The following SEC22A variants were observed in gnomAD, a reference collection of about 807,000 sequenced individuals.
SEC22A encodes SEC22 homolog A, vesicle trafficking protein.
SEC22A carries 22 observed loss-of-function variants against 35.3 expected under a neutral mutation model. The ratio of observed to expected loss-of-function variants is 0.62; its 90% CI spans 0.45 to 0.89. The LOEUF (loss-of-function observed/expected upper bound fraction) is 0.89. Among genes scored for constraint, SEC22A ranks in the 40% least tolerant of loss-of-function variants. The pLI, the probability that SEC22A is intolerant of heterozygous loss-of-function variation, is 0.00. For missense variants in SEC22A, 354 were observed against 362.5 expected (o/e 0.98, Z 0.19); for synonymous variants, 119 against 129.5 (o/e 0.92, Z 0.55).
At chr3:123,223,423 C>T (rs1937164445) in intron 2 of SEC22A, 136 bp from the exon 3 acceptor site, 3 of 647,500 alleles carry the variant, frequency 4.6e-6, no homozygotes, top group Non-Finnish European at 7.5e-6. Context: ...AAATTTTTTC[C>T]TAGAATATAT....
At chr3:123,268,567 C>T (rs748797421) in intron 6 of SEC22A, among the ~76,000 whole-genome samples, 16 of 152,140 alleles carry the variant, frequency 1.1e-4, no homozygotes, top group Non-Finnish European at 2.1e-4. Context: ...ACAGAAGTCC[C>T]TGAGCCGTTG....
At chr3:123,252,369 A>C (rs1451938162) in intron 5 of SEC22A, among the ~76,000 whole-genome samples, 1 of 152,122 alleles carries the variant, frequency 6.6e-6, no homozygotes, top group Admixed American at 6.5e-5. Context: ...CACAGGACTT[A>C]AAGTTTTATC....
chr3:123,257,603 G>A (rs1405598801), intron 5 of SEC22A, among the ~76,000 whole-genome samples: 5 of 152,174 alleles, frequency 3.3e-5, no homozygotes, highest in Non-Finnish European at 4.4e-5. Flanking sequence ...GGAGGCTGAG[G>A]CAGGAGAATC....
chr3:123,242,459 T>C (rs1937532586), intron 4 of SEC22A, among the ~76,000 whole-genome samples: 1 of 152,106 alleles, frequency 6.6e-6, no homozygotes, highest in South Asian at 2.1e-4. Flanking sequence ...CCAAGTCTAA[T>C]AATTTTAACC....
intron 1 of SEC22A, chr3:123,208,688 C>T (rs1936888173): frequency 6.5e-6 from 1 of 154,804 alleles, no homozygotes; most frequent in African/African-American, 2.4e-5. Flanking sequence ...CCACTGCACT[C>T]CAGCCTGGGT....
In SEC22A at chr3:123,274,086, C is replaced by T. The variant is rs752798603; in HGVS notation, c.*2364C>T. ...GCTATTTTGGATAAGAGGATGTTTA[C>T]ATCTTAATGTAAAAAAATGAAAACA... is the stretch of plus-strand genomic sequence containing the variant. On this transcript the variant is annotated 3_prime_UTR_variant, in exon 7 of 7. Transcript: ENST00000492595. 6 of 152,238 alleles carry T rather than the reference C, an allele frequency of 3.9e-5. No individual in the cohort carries two copies. The highest frequency in any genetic ancestry group is 6.5e-5 in the Admixed American group (1 of 15,302). 9.4% of individuals were successfully genotyped at this position (152,238 alleles called of 1,614,324 possible).
At chr3:123,261,546 T>C (rs529179908) in intron 6 of SEC22A, among the ~76,000 whole-genome samples, 1 of 150,692 alleles carries the variant, frequency 6.6e-6, no homozygotes, top group South Asian at 2.1e-4. Context: ...ACTATACACA[T>C]GATCTCATTT....
intron 4 of SEC22A, among the ~76,000 whole-genome samples, chr3:123,245,581 C>T (rs11720939): frequency 0.15 from 23,396 of 151,822 alleles, 2,345 homozygotes; most frequent in Admixed American, 0.25. Context: ...TGCCTGTAAT[C>T]GTAGATAGTC....
intron 5 of SEC22A, among the ~76,000 whole-genome samples, chr3:123,248,327 A>G (rs1236671750): frequency 6.6e-6 from 1 of 152,216 alleles, no homozygotes; most frequent in Non-Finnish European, 1.5e-5. Context: ...TTCTATGTAG[A>G]ATATGTCCAA....
At chr3:123,266,259 C>T (rs1327122302) in intron 6 of SEC22A, among the ~76,000 whole-genome samples, 1 of 149,398 alleles carries the variant, frequency 6.7e-6, no homozygotes, top group Non-Finnish European at 1.5e-5. Context: ...ATTGTTTTTT[C>T]CTACTGTTTT....
At chr3:123,208,436 C>G (rs1241909101) in intron 1 of SEC22A, 1 of 152,136 alleles carries the variant, frequency 6.6e-6, no homozygotes, top group East Asian at 1.9e-4. Flanking sequence ...ATTGCCAAAT[C>G]ATTTTGAGAA....
At chr3:123,210,937 G>A (rs888007459) in intron 2 of SEC22A, among the ~76,000 whole-genome samples, 1 of 152,166 alleles carries the variant, frequency 6.6e-6, no homozygotes, top group African/African-American at 2.4e-5. Context: ...CTTATCCTGG[G>A]TCAGTGGATG....
chr3:123,271,457 A>T, intron 6 of SEC22A, 65 bp from the exon 7 acceptor site: 1 of 1,365,602 alleles, frequency 7.3e-7, no homozygotes, highest in Non-Finnish European at 1.0e-6. Flanking sequence ...TTACAATTTT[A>T]TATTAGAAAC....
chr3:123,239,437 C>T (rs1417380505), intron 4 of SEC22A, among the ~76,000 whole-genome samples: 1 of 151,806 alleles, frequency 6.6e-6, no homozygotes, highest in African/African-American at 2.4e-5. Context: ...CTAATGCTAT[C>T]CCTCCCCCCT....
chr3:123,268,270 G>C (rs1160284499), intron 6 of SEC22A, among the ~76,000 whole-genome samples: 3 of 152,210 alleles, frequency 2.0e-5, no homozygotes, highest in Admixed American at 6.5e-5. Flanking sequence ...TTACCAGAGA[G>C]AGCAAGATGT....
chr3:123,212,792 GA>G (rs1341052736), intron 2 of SEC22A, among the ~76,000 whole-genome samples: 1 of 152,054 alleles, frequency 6.6e-6, no homozygotes, highest in Non-Finnish European at 1.5e-5. Flanking sequence ...ATAATAAACT[GA>G]GGTAACATTT....
chr3:123,227,489 G>A (rs1321797288), intron 4 of SEC22A, among the ~76,000 whole-genome samples: 1 of 152,114 alleles, frequency 6.6e-6, no homozygotes, highest in African/African-American at 2.4e-5. Flanking sequence ...ATAGCATTAG[G>A]AGAAATACCT....
chr3:123,225,356 C>T lies in SEC22A; in HGVS notation c.541+59C>T, dbSNP rs962657311. ...AAAATCCTTGGGAAAAACTGAGAAACTCTTGAAAATGAATTACTTTATTCT... is the reference window on the plus strand; with the variant it reads ...AAAATCCTTGGGAAAAACTGAGAAATTCTTGAAAATGAATTACTTTATTCT... On this transcript the variant is annotated intron_variant, in intron 4 of 6. Coordinates refer to ENST00000492595, the MANE Select transcript of SEC22A (RefSeq NM_012430.5). 4.8e-6 allele frequency: 5 copies of T among 1,051,162 alleles called. No individual in the cohort carries two copies. The Admixed American group carries it at 1.1e-4, about 24-fold the overall frequency. The allele number at this position is 1,051,162 out of a possible 1,614,324, so 65.1% of individuals were successfully genotyped here.
chr3:123,259,108 A>G (rs187333436), intron 5 of SEC22A, among the ~76,000 whole-genome samples: 1 of 152,220 alleles, frequency 6.6e-6, no homozygotes, highest in South Asian at 2.1e-4. Context: ...CAATTCAGTG[A>G]TATACTTACT....
Sources: gnomAD v4.1 joint callset for allele counts (sites outside exome capture counted in the v4.1 genomes callset) on GRCh38, gnomAD v4.1.1 for gene constraint, MANE v1.5 for transcripts, NCBI Gene and HGNC (gene_info 2026-07-23, HGNC 2026-07-21) for gene names.